TEX11: variants seen among roughly 807,000 people sequenced by gnomAD.
TEX11 encodes the protein testis-expressed protein 11.
TEX11 carries 7 observed loss-of-function variants against 84.4 expected under a neutral mutation model. The ratio of observed to expected loss-of-function variants is 0.08; its 90% CI spans 0.05 to 0.16. TEX11 has a LOEUF of 0.16. Ranked by LOEUF, TEX11 falls within the 10% of genes least tolerant of loss-of-function variation. TEX11 has a pLI of 1.00. For synonymous variants in TEX11, 264 were observed against 222.8 expected (o/e 1.18, Z -1.64); for missense variants, 551 against 660.5 (o/e 0.83, Z 1.82).
rs779386899 is a variant in TEX11 at position 70,811,880 on chromosome X, T to G, written c.607-5090A>C. On this transcript the variant is annotated intron_variant, in intron 8 of 29. Coordinates refer to ENST00000374333, the MANE Select transcript of TEX11 (RefSeq NM_031276.3). ...CCACTTGTTGATGGGGTTGTTTGTT[T>G]ATTTCTTGTAAATTTGTTTGAGTTC... Among the ~76,000 whole-genome samples, 196 of 112,341 alleles carry G rather than the reference T, an allele frequency of 1.7e-3. 2 individuals carry two copies. Among genetic ancestry groups the G allele is most frequent in the African/African-American group, 6.1e-3 (188 of 30,977 alleles).
chrX:70,725,459 C>T (rs1354223435), intron 11 of TEX11, 116 bp from the exon 12 acceptor site: 22 of 402,346 alleles, frequency 5.5e-5, no homozygotes, highest in Non-Finnish European at 5.6e-5. Context: ...CAAAGGAAAT[C>T]GAAATTACAG....
At chrX:70,729,237 T>G (rs1041826820) in intron 11 of TEX11, among the ~76,000 whole-genome samples, 1 of 110,486 alleles carries the variant, frequency 9.1e-6, no homozygotes, top group African/African-American at 3.3e-5. Flanking sequence ...AAACTGGAAA[T>G]TCTAAAAATC....
chrX:70,751,123 A>G (rs2090820944), intron 9 of TEX11, among the ~76,000 whole-genome samples: 1 of 104,174 alleles, frequency 9.6e-6, no homozygotes, highest in South Asian at 4.5e-4. Flanking sequence ...TAGCCCTCCC[A>G]TTACTGGGTA....
At chrX:70,604,948 T>G (rs2089178421) in intron 24 of TEX11, among the ~76,000 whole-genome samples, 1 of 110,991 alleles carries the variant, frequency 9.0e-6, no homozygotes, top group Admixed American at 9.6e-5. Context: ...ATTAAGTTAA[T>G]GAGATATTTA....
intron 13 of TEX11, among the ~76,000 whole-genome samples, chrX:70,696,641 C>T (rs956101901): frequency 4.5e-5 from 5 of 110,645 alleles, no homozygotes; most frequent in Non-Finnish European, 7.6e-5. Flanking sequence ...TGGTGGTGTG[C>T]GCCTGTAGTC....
At chrX:70,832,226 G>A (rs2091380918) in intron 8 of TEX11, among the ~76,000 whole-genome samples, 1 of 111,704 alleles carries the variant, frequency 9.0e-6, no homozygotes, top group Non-Finnish European at 1.9e-5. Flanking sequence ...GCTACAAAAT[G>A]ACTGATCTGT....
chrX:70,551,155 A>G (rs2088208404), intron 28 of TEX11, among the ~76,000 whole-genome samples: 1 of 111,256 alleles, frequency 9.0e-6, no homozygotes, highest in Non-Finnish European at 1.9e-5. Context: ...CAGCACACAC[A>G]CAAAAAACAA....
intron 9 of TEX11, among the ~76,000 whole-genome samples, chrX:70,781,925 T>C (rs968262043): frequency 3.6e-5 from 4 of 111,259 alleles, no homozygotes; most frequent in Non-Finnish European, 5.6e-5. Context: ...TTCCCCAACC[T>C]AGCAAGGTAG....
At chrX:70,670,075 G>T (rs2090009145) in intron 16 of TEX11, among the ~76,000 whole-genome samples, 1 of 112,237 alleles carries the variant, frequency 8.9e-6, no homozygotes, top group Non-Finnish European at 1.9e-5. Flanking sequence ...CAATATTACA[G>T]ATGGTTAGTA....
At chrX:70,537,330 C>G (rs1236696322) in intron 28 of TEX11, among the ~76,000 whole-genome samples, 1 of 111,263 alleles carries the variant, frequency 9.0e-6, no homozygotes, top group Non-Finnish European at 1.9e-5. Flanking sequence ...GCAATGAGAA[C>G]CCACTGAAAG....
At chrX:70,558,750 G>A (rs1243392272) in intron 25 of TEX11, among the ~76,000 whole-genome samples, 1 of 111,247 alleles carries the variant, frequency 9.0e-6, no homozygotes, top group Non-Finnish European at 1.9e-5. Context: ...ATTGGGAAAG[G>A]GTGTGAATAG....
At chrX:70,680,484 C>T (rs888451097) in intron 14 of TEX11, among the ~76,000 whole-genome samples, 5 of 88,719 alleles carry the variant, frequency 5.6e-5, no homozygotes, top group Non-Finnish European at 8.8e-5. Flanking sequence ...AACCAGAGAC[C>T]TTTGTTCACT....
At chrX:70,606,576 G>C (rs1012895809) in intron 23 of TEX11, among the ~76,000 whole-genome samples, 2 of 111,786 alleles carry the variant, frequency 1.8e-5, no homozygotes, top group Non-Finnish European at 3.8e-5. Flanking sequence ...CTATGTTCTT[G>C]TAGACTTATT....
intron 9 of TEX11, among the ~76,000 whole-genome samples, chrX:70,774,329 C>A (rs1171417995): frequency 9.5e-6 from 1 of 105,491 alleles, no homozygotes; most frequent in African/African-American, 3.4e-5. Context: ...AAAACAAGAA[C>A]GTCCACTATC....
At chrX:70,716,011 T>A (rs916546708) in intron 13 of TEX11, among the ~76,000 whole-genome samples, 44 of 112,251 alleles carry the variant, frequency 3.9e-4, no homozygotes, top group Middle Eastern at 4.6e-3. Flanking sequence ...CTTCTAACAG[T>A]CAGGACCCTC....
intron 28 of TEX11, among the ~76,000 whole-genome samples, chrX:70,535,186 G>A (rs985818646): frequency 6.2e-5 from 7 of 112,261 alleles, no homozygotes; most frequent in Admixed American, 9.5e-5. Context: ...TCCATTGAAT[G>A]GAAATACCAC....
At chrX:70,817,254 TACACACACAC>T (rs57325193) in intron 8 of TEX11, among the ~76,000 whole-genome samples, 53 of 82,400 alleles carry the variant, frequency 6.4e-4, no homozygotes, top group African/African-American at 2.4e-3. Context: ...CATATATATA[TACACACACAC>T]ACACACACAC....
At chrX:70,750,109 G>A (rs771632338) in intron 9 of TEX11, among the ~76,000 whole-genome samples, 72 of 111,463 alleles carry the variant, frequency 6.5e-4, no homozygotes, top group East Asian at 4.0e-3. Flanking sequence ...AAAAGTGGGC[G>A]AAGGACATGA....
intron 15 of TEX11, among the ~76,000 whole-genome samples, chrX:70,676,469 C>T (rs1270242398): frequency 8.9e-6 from 1 of 112,063 alleles, no homozygotes; most frequent in Non-Finnish European, 1.9e-5. Context: ...ATCTGACGTT[C>T]TCTTTAATTT....
Sources: allele counts gnomAD v4.1 joint callset (sites outside exome capture counted in the v4.1 genomes callset), GRCh38; gene constraint gnomAD v4.1.1; transcripts MANE v1.5; gene names NCBI Gene and HGNC (gene_info 2026-07-23, HGNC 2026-07-21).